Variants in LCP1 observed in about 807,000 individuals in gnomAD.
LCP1 encodes the protein plastin-2.
A neutral mutation model predicts 72.0 loss-of-function variants in LCP1; 23 were observed. The ratio of observed to expected loss-of-function variants is 0.32; its 90% CI spans 0.23 to 0.45. The LOEUF (loss-of-function observed/expected upper bound fraction) is 0.45. LCP1 is among the 20% of genes least tolerant of loss of function. LCP1 has a pLI of 1.00. For synonymous variants in LCP1, 245 were observed against 275.4 expected (o/e 0.89, Z 1.09); for missense variants, 571 against 748.3 (o/e 0.76, Z 2.76).
At chr13:46,134,879 A>C (rs898250136) in intron 13 of LCP1, among the ~76,000 whole-genome samples, 3 of 152,058 alleles carry the variant, frequency 2.0e-5, no homozygotes, top group African/African-American at 7.2e-5. Context: ...CAAGGTGAGC[A>C]GTTCACTTGA....
chr13:46,134,243 G>C lies in LCP1; in HGVS notation c.1510C>G (p.Leu504Val). 1 of 1,612,506 alleles carries C rather than the reference G, an allele frequency of 6.2e-7. No individual in the cohort carries two copies. The highest frequency in any genetic ancestry group is 8.5e-7 in the Non-Finnish European group (1 of 1,179,152). Residue 504 changes from leucine to valine, a missense_variant, in exon 14 of 16, where the codon CTG becomes GTG. Transcript: ENST00000323076. ...LIWQLMRRYTLNILEEIGGGQ... is the reference protein window; with the variant it reads ...LIWQLMRRYTVNILEEIGGGQ... Reference sequence around the variant, plus strand: ...CCACCAATTTCTTCGAGGATATTCAGTGTATACCTGAACAAAATAAAGAAT... The same window carrying C: ...CCACCAATTTCTTCGAGGATATTCACTGTATACCTGAACAAAATAAAGAAT...
intron 7 of LCP1, among the ~76,000 whole-genome samples, chr13:46,151,949 A>C (rs2045767298): frequency 6.6e-6 from 1 of 152,256 alleles, no homozygotes; most frequent in Non-Finnish European, 1.5e-5. Flanking sequence ...GAGAAGACGC[A>C]ATAAGATTGA....
intron 6 of LCP1, chr13:46,153,359 C>G (rs1169401321): frequency 6.5e-6 from 1 of 153,428 alleles, no homozygotes; most frequent in African/African-American, 2.4e-5. Context: ...AAATCAAGAT[C>G]ATAAAAGAGA....
chr13:46,131,014 CT>C, intron 14 of LCP1, 76 bp from the exon 15 acceptor site: 1 of 1,395,388 alleles, frequency 7.2e-7, no homozygotes. Context: ...AAGTGGGTGG[CT>C]TTTTCTTCCT....
At chr13:46,149,020 T>C (rs1468024652) in intron 8 of LCP1, among the ~76,000 whole-genome samples, 2 of 152,222 alleles carry the variant, frequency 1.3e-5, no homozygotes, top group African/African-American at 4.8e-5. Flanking sequence ...AATTTAGTTA[T>C]AGCAGATTAG....
chr13:46,162,544 T>C (rs1454249153), intron 1 of LCP1, among the ~76,000 whole-genome samples: 1 of 152,066 alleles, frequency 6.6e-6, no homozygotes, highest in African/African-American at 2.4e-5. Flanking sequence ...GTGAGTGATC[T>C]GCCAGCCTCG....
Position 46,151,091 on chromosome 13 carries a change from A to C in LCP1, c.740-13T>G. 3 of 1,597,736 alleles carry C rather than the reference A, an allele frequency of 1.9e-6. No individual in the cohort carries two copies. The highest frequency in any genetic ancestry group is 2.6e-6 in the Non-Finnish European group (3 of 1,174,948). On this transcript the variant is annotated splice_polypyrimidine_tract_variant and intron_variant, in intron 7 of 15. Transcript: ENST00000323076. ...AGAGCAATCAGAGCTGAAGAAGCAC[A>C]AAAACCACAGAAAAATAAATGCAGC...
chr13:46,177,883 AATG>A (rs146016724), intron 1 of LCP1, among the ~76,000 whole-genome samples: 2,320 of 151,584 alleles, frequency 0.015, 57 homozygotes, highest in African/African-American at 0.054. Flanking sequence ...TGGTGATGAT[AATG>A]ATGATGATGA....
rs910320651 is a variant in LCP1 at position 46,134,201 on chromosome 13, C to A, written c.1552G>T (p.Asp518Tyr). ...EEIGGGQKVN[D>Y]DIIVNWVNET... Reference sequence around the variant, plus strand: ...TTCACCCAGTTGACAATAATGTCATCATTGACCTTCTGGCCACCACCAATT... The same window carrying A: ...TTCACCCAGTTGACAATAATGTCATAATTGACCTTCTGGCCACCACCAATT... Residue 518 changes from aspartate to tyrosine, a missense_variant, in exon 14 of 16, where the codon GAT becomes TAT. By Grantham distance (160) the Asp-to-Tyr change is radical (BLOSUM62 -3). Coordinates refer to ENST00000323076, the MANE Select transcript of LCP1 (RefSeq NM_002298.5). 1.2e-6 allele frequency: 2 copies of A among 1,612,544 alleles called. No homozygotes were observed. Among genetic ancestry groups the A allele is most frequent in the Non-Finnish European group, 1.7e-6 (2 of 1,178,660 alleles).
chr13:46,157,787 G>A (rs930436065), intron 4 of LCP1, among the ~76,000 whole-genome samples: 26 of 123,842 alleles, frequency 2.1e-4, no homozygotes, highest in Non-Finnish European at 1.1e-4. Context: ...TTGTTCTGTC[G>A]CCAGGCTGGA....
chr13:46,167,801 G>C (rs566398325), intron 1 of LCP1, among the ~76,000 whole-genome samples: 4 of 152,270 alleles, frequency 2.6e-5, no homozygotes, highest in African/African-American at 9.6e-5. Context: ...GGCTGCTAGG[G>C]GGTTGGTGAG....
chr13:46,134,008 T>C (rs1368038124), intron 14 of LCP1, 119 bp downstream of exon 14: 5 of 892,612 alleles, frequency 5.6e-6, no homozygotes, highest in African/African-American at 1.7e-5. Flanking sequence ...TTAAGCAAAA[T>C]TGAAATGGGA....
intron 1 of LCP1, among the ~76,000 whole-genome samples, chr13:46,162,313 C>G (rs984983183): frequency 1.4e-5 from 2 of 142,966 alleles, no homozygotes; most frequent in Non-Finnish European, 3.0e-5. Context: ...CACGGTCTCC[C>G]TCTCCCTCTC....
At chr13:46,145,908 C>CAAAAA (rs527364466) in intron 10 of LCP1, among the ~76,000 whole-genome samples, 1 of 11,360 alleles carries the variant, frequency 8.8e-5, no homozygotes, top group African/African-American at 6.8e-4. Flanking sequence ...GACTCCGTCT[C>CAAAAA]AAAAAAAAAA....
intron 13 of LCP1, among the ~76,000 whole-genome samples, chr13:46,136,463 C>T (rs942242966): frequency 4.6e-5 from 7 of 151,950 alleles, no homozygotes; most frequent in Non-Finnish European, 7.4e-5. Flanking sequence ...CACAGAGAGG[C>T]GGGTGAAATA....
intron 5 of LCP1, among the ~76,000 whole-genome samples, chr13:46,155,795 G>A (rs564038775): frequency 6.6e-6 from 1 of 152,186 alleles, no homozygotes; most frequent in Non-Finnish European, 1.5e-5. Context: ...TGTCCTCAAT[G>A]TTTGAGTTGT....
intron 1 of LCP1, among the ~76,000 whole-genome samples, chr13:46,178,119 C>T (rs533355083): frequency 6.6e-6 from 1 of 152,114 alleles, no homozygotes; most frequent in South Asian, 2.1e-4. Flanking sequence ...AATGAATGAA[C>T]TTGCCTTCAA....
intron 14 of LCP1, among the ~76,000 whole-genome samples, 184 bp from the exon 15 acceptor site, chr13:46,131,122 C>T: frequency 6.6e-6 from 1 of 152,172 alleles, no homozygotes; most frequent in Non-Finnish European, 1.5e-5. Context: ...TCAGTAACTT[C>T]CCAGAAAACC....
intron 1 of LCP1, among the ~76,000 whole-genome samples, chr13:46,160,024 A>C (rs139184629): frequency 2.0e-4 from 30 of 152,284 alleles, no homozygotes; most frequent in Admixed American, 6.5e-4. Flanking sequence ...TGGGGCTGGA[A>C]ACTTCTGCTT....
Sources: gnomAD v4.1 joint callset for allele counts (sites outside exome capture counted in the v4.1 genomes callset) on GRCh38, gnomAD v4.1.1 for gene constraint, MANE v1.5 for transcripts, NCBI Gene and HGNC (gene_info 2026-07-23, HGNC 2026-07-21) for gene names.